CDH13: variants seen among roughly 807,000 people sequenced by gnomAD.
CDH13 encodes cadherin-13.
CDH13 carries 24 observed loss-of-function variants against 63.8 expected under a neutral mutation model. That is an observed-to-expected ratio of 0.38 (90% CI 0.27 to 0.53). The LOEUF is 0.53. Among genes scored for constraint, CDH13 ranks in the 20% least tolerant of loss-of-function variants. The probability of loss-of-function intolerance (pLI) is 0.85; values close to 1 mark genes in which losing one functional copy is unlikely to be tolerated. For missense variants in CDH13, 1,049 were observed against 903.1 expected (o/e 1.16, Z -2.07); for synonymous variants, 503 against 355.3 (o/e 1.42, Z -4.67).
intron 1 of CDH13, among the ~76,000 whole-genome samples, chr16:82,735,870 G>C (rs1019299281): frequency 1.8e-4 from 27 of 152,152 alleles, no homozygotes; most frequent in African/African-American, 6.5e-4. Flanking sequence ...AATCTAATGG[G>C]CTTTGCTTAC....
At chr16:83,281,698 CAGG>C (rs1414186319) in intron 5 of CDH13, among the ~76,000 whole-genome samples, 3 of 151,104 alleles carry the variant, frequency 2.0e-5, no homozygotes, top group African/African-American at 7.3e-5. Context: ...CACTTGAGGT[CAGG>C]AGTTCGAGAC....
chr16:82,849,210 G>T (rs953964875), intron 1 of CDH13, among the ~76,000 whole-genome samples: 13 of 152,170 alleles, frequency 8.5e-5, no homozygotes, highest in African/African-American at 2.9e-4. Context: ...TAACATAAAA[G>T]TGTCAGGTGA....
intron 1 of CDH13, among the ~76,000 whole-genome samples, chr16:82,763,932 A>G (rs1054825565): frequency 6.6e-6 from 1 of 152,146 alleles, no homozygotes; most frequent in Non-Finnish European, 1.5e-5. Context: ...CTTGGCCTCC[A>G]AAAGTGCTGG....
chr16:83,482,990 C>T (rs1239298345), intron 6 of CDH13, among the ~76,000 whole-genome samples: 2 of 152,172 alleles, frequency 1.3e-5, no homozygotes, highest in Non-Finnish European at 2.9e-5. Flanking sequence ...CCTCTCTGAA[C>T]ACTAATGTAC....
intron 1 of CDH13, among the ~76,000 whole-genome samples, chr16:82,770,981 C>G (rs1314128876): frequency 1.3e-5 from 2 of 152,174 alleles, no homozygotes; most frequent in Non-Finnish European, 2.9e-5. Context: ...TCCCAAAGTG[C>G]TAGGATTACA....
intron 1 of CDH13, among the ~76,000 whole-genome samples, chr16:82,812,446 C>G (rs542770728): frequency 3.9e-5 from 6 of 152,174 alleles, no homozygotes; most frequent in African/African-American, 7.2e-5. Flanking sequence ...AAAAATGAGA[C>G]TTTGGAGGGA....
intron 2 of CDH13, among the ~76,000 whole-genome samples, chr16:83,007,824 C>CAAA (rs563773010): frequency 0.013 from 1,630 of 124,980 alleles, 19 homozygotes; most frequent in Admixed American, 0.016. Flanking sequence ...ACGACTCTGT[C>CAAA]AAAAAAAAAA....
rs963320472 is a variant in CDH13 at position 82,853,117 on chromosome 16, G to T, written c.46-5245G>T. Among the ~76,000 whole-genome samples, 3 of 152,166 alleles carry T rather than the reference G, an allele frequency of 2.0e-5. No individual in the cohort carries two copies. The South Asian group carries it at 6.2e-4, about 32-fold the overall frequency. On this transcript the variant is annotated intron_variant, in intron 1 of 13. Transcript: ENST00000567109. Reference sequence around the variant, plus strand: ...TTAGGGTAGTGGCTCTTGCATGGAAGAGAGATCTCTGAGCTGCTACTTTAA... The same window carrying T: ...TTAGGGTAGTGGCTCTTGCATGGAATAGAGATCTCTGAGCTGCTACTTTAA...
At chr16:83,413,124 T>G (rs1402448757) in intron 6 of CDH13, among the ~76,000 whole-genome samples, 3 of 152,196 alleles carry the variant, frequency 2.0e-5, no homozygotes, top group African/African-American at 7.2e-5. Context: ...TGTATTTAAT[T>G]GGAAGTGTTT....
At chr16:83,090,441 G>C (rs1405212913) in intron 3 of CDH13, among the ~76,000 whole-genome samples, 1 of 152,058 alleles carries the variant, frequency 6.6e-6, no homozygotes, top group African/African-American at 2.4e-5. Flanking sequence ...GGGCATGGTG[G>C]TGCACCCCTG....
chr16:82,823,500 T>C (rs1486076860), intron 1 of CDH13: 1 of 152,142 alleles, frequency 6.6e-6, no homozygotes, highest in Non-Finnish European at 1.5e-5. Flanking sequence ...AGAGAAACAA[T>C]TGAACCTAAG....
At chr16:83,018,458 G>C (rs142800378) in intron 2 of CDH13, among the ~76,000 whole-genome samples, 116 of 152,280 alleles carry the variant, frequency 7.6e-4, no homozygotes, top group African/African-American at 2.6e-3. Flanking sequence ...AGTTGTAAGA[G>C]ACATCATTCA....
chr16:83,482,167 C>T (rs941160978), intron 6 of CDH13, among the ~76,000 whole-genome samples: 1 of 151,782 alleles, frequency 6.6e-6, no homozygotes, highest in Admixed American at 6.5e-5. Flanking sequence ...ACTGGTGGCT[C>T]TGGTCAGTGT....
At chr16:83,496,292 G>T (rs1052443274) in intron 7 of CDH13, among the ~76,000 whole-genome samples, 24 of 146,572 alleles carry the variant, frequency 1.6e-4, no homozygotes, top group Non-Finnish European at 2.3e-4. Context: ...AAACAGCATG[G>T]TACTGGTACC....
chr16:83,125,348 G>A (rs1316817498), intron 3 of CDH13, 37 bp from the exon 4 acceptor site: 2 of 1,108,558 alleles, frequency 1.8e-6, no homozygotes, highest in Admixed American at 1.8e-5. Flanking sequence ...TCATTTCAAT[G>A]GGAGATTTTA....
At chr16:83,773,332 T>G (rs1487754902) in intron 11 of CDH13, among the ~76,000 whole-genome samples, 2 of 152,206 alleles carry the variant, frequency 1.3e-5, no homozygotes, top group Non-Finnish European at 2.9e-5. Context: ...TACTACTCGA[T>G]ACTGGGTAAT....
chr16:82,660,920 T>G (rs559578851), intron 1 of CDH13, among the ~76,000 whole-genome samples: 3 of 151,242 alleles, frequency 2.0e-5, no homozygotes, highest in Admixed American at 2.0e-4. Context: ...TTAACATTCA[T>G]TAAGTTTCTT....
chr16:82,962,777 T>C (rs1486365186), intron 2 of CDH13, among the ~76,000 whole-genome samples: 2 of 152,200 alleles, frequency 1.3e-5, no homozygotes, highest in African/African-American at 4.8e-5. Flanking sequence ...TGTCAGTATC[T>C]TGTAACAGTA....
At chr16:83,246,133 T>A (rs1317163164) in intron 5 of CDH13, among the ~76,000 whole-genome samples, 1 of 152,216 alleles carries the variant, frequency 6.6e-6, no homozygotes, top group Non-Finnish European at 1.5e-5. Context: ...AGGGTTTTAT[T>A]AATTATATAT....
Sources: allele counts gnomAD v4.1 joint callset (sites outside exome capture counted in the v4.1 genomes callset), GRCh38; gene constraint gnomAD v4.1.1; transcripts MANE v1.5; gene names NCBI Gene and HGNC (gene_info 2026-07-23, HGNC 2026-07-21).